Variants in ETV1 observed in about 807,000 individuals in gnomAD.
ETV1 encodes ETS translocation variant 1.
A neutral mutation model predicts 62.3 loss-of-function variants in ETV1; 27 were observed. The ratio of observed to expected loss-of-function variants is 0.43; its 90% CI spans 0.32 to 0.60. ETV1 has a LOEUF of 0.60. Among genes scored for constraint, ETV1 ranks in the 20% least tolerant of loss-of-function variants. The pLI, the probability that ETV1 is intolerant of heterozygous loss-of-function variation, is 0.06. For synonymous variants in ETV1, 222 were observed against 199.6 expected (o/e 1.11, Z -0.94); for missense variants, 605 against 605.8 (o/e 1.00, Z 0.01).
intron 6 of ETV1, among the ~76,000 whole-genome samples, chr7:13,975,408 T>G (rs534270615): frequency 6.7e-6 from 1 of 148,310 alleles, no homozygotes; most frequent in South Asian, 2.1e-4. Context: ...TAGCTGGGAG[T>G]GATGGCGGAT....
At chr7:13,902,402 A>G (rs1249257592) in intron 12 of ETV1, among the ~76,000 whole-genome samples, 1 of 152,064 alleles carries the variant, frequency 6.6e-6, no homozygotes, top group Non-Finnish European at 1.5e-5. Context: ...GATGCGATGT[A>G]ACAGGGACAA....
chr7:13,911,820 A>G lies in ETV1; in HGVS notation c.803-513T>C, dbSNP rs376728881. Reference sequence around the variant, plus strand: ...AAGCATATAATTCTGACCATATAAAAGACAGAGTTAACACTGTTTCCTGAT... The same window carrying G: ...AAGCATATAATTCTGACCATATAAAGGACAGAGTTAACACTGTTTCCTGAT... On this transcript the variant is annotated intron_variant, in intron 9 of 13. Transcript: ENST00000430479. 3.3e-4 allele frequency among the ~76,000 whole-genome samples: 51 copies of G among 152,374 alleles called. 2 individuals carry two copies. The South Asian group carries it at 0.011, about 32-fold the overall frequency.
intron 6 of ETV1, 27 bp downstream of exon 6, chr7:13,977,400 A>G (rs1418512241): frequency 2.1e-6 from 3 of 1,440,772 alleles, no homozygotes; most frequent in Non-Finnish European, 2.8e-6. Flanking sequence ...ACAGAAAAAT[A>G]CAAGAGATGA....
intron 6 of ETV1, among the ~76,000 whole-genome samples, chr7:13,957,676 C>T (rs1207787691): frequency 1.3e-5 from 2 of 152,168 alleles, no homozygotes; most frequent in African/African-American, 4.8e-5. Flanking sequence ...TCTGCTGTAA[C>T]TCCAGGTGTA....
intron 12 of ETV1, among the ~76,000 whole-genome samples, chr7:13,903,810 G>A (rs1037335803): frequency 1.0e-4 from 15 of 149,736 alleles, no homozygotes; most frequent in Admixed American, 6.7e-5. Flanking sequence ...TTCCCTAGGA[G>A]ACATGACTAA....
At chr7:13,958,776 A>T (rs1789800600) in intron 6 of ETV1, 1 of 152,242 alleles carries the variant, frequency 6.6e-6, no homozygotes, top group South Asian at 2.1e-4. Context: ...AAAGAAAGAG[A>T]TAATAGTTTC....
At chr7:13,898,546 T>C (rs921566045) in intron 13 of ETV1, among the ~76,000 whole-genome samples, 5 of 152,216 alleles carry the variant, frequency 3.3e-5, no homozygotes, top group African/African-American at 1.2e-4. Flanking sequence ...TGTTCCATTG[T>C]TTCTTACTTC....
chr7:13,933,675 T>C (rs986703482), intron 8 of ETV1, among the ~76,000 whole-genome samples: 1 of 152,180 alleles, frequency 6.6e-6, no homozygotes, highest in African/African-American at 2.4e-5. Flanking sequence ...TGAGGGACTG[T>C]CATTTGTTGG....
intron 7 of ETV1, among the ~76,000 whole-genome samples, chr7:13,937,223 G>T (rs1272753316): frequency 6.6e-6 from 1 of 152,130 alleles, no homozygotes; most frequent in African/African-American, 2.4e-5. Flanking sequence ...GCTGCACAAG[G>T]CAGCTCTTGC....
intron 9 of ETV1, among the ~76,000 whole-genome samples, chr7:13,921,686 A>G (rs576058894): frequency 6.6e-6 from 1 of 152,326 alleles, no homozygotes; most frequent in South Asian, 2.1e-4. Context: ...TCAACCTCCA[A>G]TTTCTAATAT....
chr7:13,969,342 T>A (rs1020379346), intron 6 of ETV1, among the ~76,000 whole-genome samples: 1 of 152,206 alleles, frequency 6.6e-6, no homozygotes, highest in Admixed American at 6.5e-5. Context: ...TAGCCTTCGC[T>A]TTTTGATTCC....
Position 13,895,798 on chromosome 7 carries a change from C to T in ETV1, c.*68G>A. On this transcript the variant is annotated 3_prime_UTR_variant, in exon 14 of 14. Coordinates refer to ENST00000430479, the MANE Select transcript of ETV1 (RefSeq NM_004956.5). Reference sequence around the variant, plus strand: ...AAACAACAGAAATAAAACAAAGATTCAGCAATTCTCTGTATCTTGCAGAAA... The same window carrying T: ...AAACAACAGAAATAAAACAAAGATTTAGCAATTCTCTGTATCTTGCAGAAA... 1.0e-6 allele frequency: 1 copy of T among 985,602 alleles called. No homozygotes were observed. 61.1% of individuals were successfully genotyped at this position (985,602 alleles called of 1,614,324 possible).
At chr7:13,933,973 C>T (rs1161134726) in intron 8 of ETV1, among the ~76,000 whole-genome samples, 1 of 152,134 alleles carries the variant, frequency 6.6e-6, no homozygotes, top group East Asian at 1.9e-4. Flanking sequence ...GCACAAAAAG[C>T]GAATTATACA....
At chr7:13,986,798 C>T in intron 4 of ETV1, 113 bp from the exon 5 acceptor site, 1 of 790,142 alleles carries the variant, frequency 1.3e-6, no homozygotes, top group Non-Finnish European at 2.0e-6. Flanking sequence ...TCAAGAGACG[C>T]AGTCAACATA....
At chr7:13,953,473 A>G (rs112747776) in intron 6 of ETV1, among the ~76,000 whole-genome samples, 3 of 152,178 alleles carry the variant, frequency 2.0e-5, no homozygotes, top group African/African-American at 2.4e-5. Flanking sequence ...CATATTTAGA[A>G]GAGACTGGGA....
chr7:13,939,304 T>G (rs1787202504), intron 6 of ETV1, 58 bp from the exon 7 acceptor site: 1 of 1,442,182 alleles, frequency 6.9e-7, no homozygotes, highest in Admixed American at 2.2e-5. Flanking sequence ...TTATGGAGAT[T>G]AATGTGTTCT....
chr7:13,906,398 T>A (rs371617913), intron 12 of ETV1, 32 bp downstream of exon 12: 16 of 1,417,484 alleles, frequency 1.1e-5, no homozygotes, highest in Middle Eastern at 3.7e-4. Flanking sequence ...ATAACATGTC[T>A]GAGTGTCCTA....
chr7:13,957,095 A>T (rs1562677768), intron 6 of ETV1, among the ~76,000 whole-genome samples: 6 of 151,224 alleles, frequency 4.0e-5, no homozygotes, highest in Admixed American at 2.6e-4. Flanking sequence ...TTTTATTTTT[A>T]TTTTTTTTGA....
chr7:13,906,811 A>G (rs1340511660), intron 11 of ETV1, among the ~76,000 whole-genome samples: 1 of 152,214 alleles, frequency 6.6e-6, no homozygotes, highest in African/African-American at 2.4e-5. Flanking sequence ...ATAACTATAT[A>G]TAACACAGGT....
Sources: allele counts gnomAD v4.1 joint callset (sites outside exome capture counted in the v4.1 genomes callset), GRCh38; gene constraint gnomAD v4.1.1; transcripts MANE v1.5; gene names NCBI Gene and HGNC (gene_info 2026-07-23, HGNC 2026-07-21).